The following PDGFD variants were observed in gnomAD, a reference collection of about 807,000 sequenced individuals.
The protein encoded by PDGFD is platelet derived growth factor D.
In PDGFD, 30 loss-of-function variants were observed where a neutral mutation model predicts 44.7. That is an observed-to-expected ratio of 0.67 (90% CI 0.50 to 0.91). The LOEUF (loss-of-function observed/expected upper bound fraction) is 0.91, where lower values mean the gene tolerates loss of function less well. PDGFD is among the 40% of genes least tolerant of loss of function. PDGFD has a pLI of 0.00. For missense variants in PDGFD, 445 were observed against 457.8 expected, an observed-to-expected ratio of 0.97 and a Z score of 0.25; for synonymous variants, 173 against 168.4, an observed-to-expected ratio of 1.03 and a Z score of -0.21.
intron 1 of PDGFD, among the ~76,000 whole-genome samples, chr11:104,145,306 C>A (rs945614096): frequency 6.6e-6 from 1 of 152,138 alleles, no homozygotes; most frequent in Non-Finnish European, 1.5e-5. Context: ...TTACGTCATG[C>A]AATACATGCA....
At chr11:103,994,072 C>G (rs114414568) in intron 3 of PDGFD, among the ~76,000 whole-genome samples, 2,348 of 152,242 alleles carry the variant, frequency 0.015, 52 homozygotes, top group African/African-American at 0.052. Flanking sequence ...TGCACCATAA[C>G]CCAAAACACA....
At chr11:104,131,036 CAT>C (rs1218383456) in intron 1 of PDGFD, among the ~76,000 whole-genome samples, 1 of 152,118 alleles carries the variant, frequency 6.6e-6, no homozygotes, top group African/African-American at 2.4e-5. Flanking sequence ...TGATTTTTAT[CAT>C]ATGTCACCTT....
At chr11:104,059,057 G>A (rs1860667244) in intron 1 of PDGFD, among the ~76,000 whole-genome samples, 1 of 152,180 alleles carries the variant, frequency 6.6e-6, no homozygotes, top group African/African-American at 2.4e-5. Flanking sequence ...GATCTTGATT[G>A]TGGTGGTGGT....
chr11:104,021,591 T>C (rs572873103), intron 1 of PDGFD, among the ~76,000 whole-genome samples: 24 of 152,294 alleles, frequency 1.6e-4, no homozygotes, highest in African/African-American at 5.1e-4. Flanking sequence ...GGGTAGCTTG[T>C]TATGCCAAAG....
chr11:103,918,178 A>T (rs1443333788), intron 6 of PDGFD, among the ~76,000 whole-genome samples: 2 of 152,182 alleles, frequency 1.3e-5, no homozygotes, highest in Non-Finnish European at 2.9e-5. Flanking sequence ...AAATTTTGAT[A>T]TTGGTAAAGC....
At position 104,121,755 on chromosome 11, in the gene PDGFD, C is replaced by G. The variant is rs143371058; in HGVS notation, c.124+42049G>C. On this transcript the variant is annotated intron_variant, in intron 1 of 6. Transcript: ENST00000393158. The stretch of plus-strand genomic sequence containing the variant: ...TTTGCAAATTATACCTGGAGTAGCA[C>G]TGATACAGTTTCATTATTTTATGGA... Among the ~76,000 whole-genome samples, 1,095 of 152,108 alleles carry G rather than the reference C, an allele frequency of 7.2e-3. 7 individuals are homozygous for G. The highest frequency in any genetic ancestry group is 0.024 in the African/African-American group (981 of 41,508).
At chr11:104,027,704 G>A (rs1199372055) in intron 1 of PDGFD, among the ~76,000 whole-genome samples, 2 of 152,090 alleles carry the variant, frequency 1.3e-5, no homozygotes, top group Admixed American at 6.5e-5. Flanking sequence ...TATTTTTCCA[G>A]AACTGCAGAT....
chr11:104,084,605 T>TTA (rs955360791), intron 1 of PDGFD, among the ~76,000 whole-genome samples: 14 of 147,456 alleles, frequency 9.5e-5, no homozygotes, highest in South Asian at 8.4e-4. Flanking sequence ...AAAAATTAAA[T>TTA]TATATATATA....
In PDGFD at chr11:104,039,276, A is replaced by AT. The variant is rs747431950; in HGVS notation, c.125-39022dup. The AT allele has an allele frequency of 1.2e-3, 190 of 160,858 alleles. 1 individual carries two copies. The East Asian group carries it at 0.022, about 19-fold the overall frequency. The allele number at this position is 160,858 out of a possible 1,614,324, so 10.0% of individuals were successfully genotyped here. On this transcript the variant is annotated intron_variant, in intron 1 of 6. Transcript: ENST00000393158. ...TACAACTGAGATTCCTCACCTAATA[A>AT]TTTTTTTTTTCCTGGGAGGGGTCAC...
At chr11:104,046,297 A>G (rs1278299658) in intron 1 of PDGFD, among the ~76,000 whole-genome samples, 1 of 147,672 alleles carries the variant, frequency 6.8e-6, no homozygotes, top group Non-Finnish European at 1.5e-5. Flanking sequence ...CTTCTGGTGC[A>G]TCTCATCAAG....
chr11:104,164,010 T>C lies in PDGFD; in HGVS notation c.-83A>G. 7.1e-7 allele frequency: 1 copy of C among 1,404,936 alleles called. No homozygotes were observed. The highest frequency in any genetic ancestry group is 2.5e-5 in the East Asian group (1 of 40,572). The allele number at this position is 1,404,936 out of a possible 1,614,324, so 87.0% of individuals were successfully genotyped here. Reference sequence around the variant, plus strand: ...GGACCGACGCCGCGCCGCCCTGCGCTCTCGCCGCCTGCGCTCGCCCTGCGC... The same window carrying C: ...GGACCGACGCCGCGCCGCCCTGCGCCCTCGCCGCCTGCGCTCGCCCTGCGC... On this transcript the variant is annotated 5_prime_UTR_variant, in exon 1 of 7. Transcript: ENST00000393158.
intron 1 of PDGFD, among the ~76,000 whole-genome samples, chr11:104,015,026 T>C (rs936968698): frequency 6.6e-6 from 1 of 152,234 alleles, no homozygotes; most frequent in African/African-American, 2.4e-5. Flanking sequence ...TCAATTCCTC[T>C]GTTGCTGTTA....
chr11:104,036,812 G>C, intron 1 of PDGFD: 1 of 1,607,634 alleles, frequency 6.2e-7, no homozygotes, highest in Middle Eastern at 1.7e-4. Context: ...CGGCCCGCCC[G>C]GGCCCCCGCC....
chr11:104,053,498 C>T (rs530614518), intron 1 of PDGFD, among the ~76,000 whole-genome samples: 7 of 152,262 alleles, frequency 4.6e-5, no homozygotes, highest in African/African-American at 1.7e-4. Flanking sequence ...TAGCTTCTTA[C>T]TAAAATGCTT....
intron 6 of PDGFD, among the ~76,000 whole-genome samples, chr11:103,922,955 G>T (rs758965999): frequency 5.9e-5 from 9 of 151,924 alleles, no homozygotes; most frequent in Non-Finnish European, 1.3e-4. Flanking sequence ...ATTTTCCCCA[G>T]TTTATTACCA....
At chr11:103,911,179 G>T (rs1355520513) in intron 6 of PDGFD, among the ~76,000 whole-genome samples, 1 of 152,196 alleles carries the variant, frequency 6.6e-6, no homozygotes, top group African/African-American at 2.4e-5. Context: ...AAACATTCCT[G>T]CCTGGAGGCT....
At chr11:104,001,366 G>A (rs554188862) in intron 1 of PDGFD, among the ~76,000 whole-genome samples, 15 of 152,284 alleles carry the variant, frequency 9.9e-5, no homozygotes, top group African/African-American at 3.6e-4. Flanking sequence ...TATTTAGCTG[G>A]TCCTAATTTA....
chr11:104,008,769 T>C (rs1859740359), intron 1 of PDGFD, among the ~76,000 whole-genome samples: 2 of 152,162 alleles, frequency 1.3e-5, no homozygotes, highest in African/African-American at 4.8e-5. Context: ...CAAAGGACTA[T>C]GTCTTGTTAA....
chr11:104,059,402 A>G (rs923767736), intron 1 of PDGFD, among the ~76,000 whole-genome samples: 1 of 152,198 alleles, frequency 6.6e-6, no homozygotes, highest in Non-Finnish European at 1.5e-5. Context: ...AAATATCTTT[A>G]TATCTTTATC....
Sources: allele counts gnomAD v4.1 joint callset (sites outside exome capture counted in the v4.1 genomes callset), GRCh38; gene constraint gnomAD v4.1.1; transcripts MANE v1.5; gene names NCBI Gene and HGNC (gene_info 2026-07-23, HGNC 2026-07-21).